Variants in NLRP1 observed in about 807,000 individuals in gnomAD.
NLRP1 encodes NACHT, LRR and PYD domains-containing protein 1.
Under a neutral mutation model 136.7 loss-of-function variants are expected in NLRP1, and 94 were observed. That is an observed-to-expected ratio of 0.69 (90% CI 0.58 to 0.82). The LOEUF (loss-of-function observed/expected upper bound fraction) is 0.82. Among genes scored for constraint, NLRP1 ranks in the 40% least tolerant of loss-of-function variants. The probability of loss-of-function intolerance (pLI) is 0.00; values close to 1 mark genes in which losing one functional copy is unlikely to be tolerated. For missense variants in NLRP1, 1,575 were observed against 1,802.7 expected, an observed-to-expected ratio of 0.87 and a Z score of 2.29; for synonymous variants, 690 against 725.1, an observed-to-expected ratio of 0.95 and a Z score of 0.78.
chr17:5,540,228 GAA>G (rs1911698040), intron 6 of NLRP1, among the ~76,000 whole-genome samples: 1 of 152,202 alleles, frequency 6.6e-6, no homozygotes, highest in African/African-American at 2.4e-5. Context: ...TGATTAAAAA[GAA>G]TGATGTGACT....
chr17:5,533,800 C>T, intron 9 of NLRP1, 97 bp downstream of exon 9: 1 of 823,710 alleles, frequency 1.2e-6, no homozygotes, highest in Non-Finnish European at 2.0e-6. Flanking sequence ...CCTGCCCCGT[C>T]CCACATCAGG....
In NLRP1 at chr17:5,583,449, G is replaced by A. The variant is rs184444873; in HGVS notation, c.271+238C>T. On this transcript the variant is annotated intron_variant, in intron 1 of 16. Coordinates refer to ENST00000572272, the MANE Select transcript of NLRP1 (RefSeq NM_033004.4). The surrounding 1 kb of genome is among the most constrained non-coding windows in gnomAD (Gnocchi z 4.5). ...ATAACTACAATGCCAGGCGAGTACCGGGAATGCACTTGAATAGAAGAGGGT... is the reference window on the plus strand; with the variant it reads ...ATAACTACAATGCCAGGCGAGTACCAGGAATGCACTTGAATAGAAGAGGGT... Among the ~76,000 whole-genome samples, 6 of 152,274 alleles carry A rather than the reference G, an allele frequency of 3.9e-5. No individual in the cohort carries two copies. Among genetic ancestry groups the A allele is most frequent in the Admixed American group, 2.0e-4 (3 of 15,300 alleles).
chr17:5,506,080 T>G (rs966065665), intron 15 of NLRP1: 3 of 151,024 alleles, frequency 2.0e-5, no homozygotes, highest in Non-Finnish European at 4.4e-5. Flanking sequence ...AGGTCAGGAG[T>G]TCGAGACCAG....
At position 5,559,427 on chromosome 17, in the gene NLRP1, A is replaced by C; in HGVS notation, c.1269T>G (p.Ser423Arg). The change falls in exon 4 of 17, where the codon AGT becomes AGG. Residue 423 changes from serine (S) to arginine (R), a missense_variant. Physicochemically the swap from Ser to Arg is moderately radical, Grantham distance 110. Transcript: ENST00000572272. ...DEPGWVLQEP[S>R]SELCLHWSQP... ...GGCTCCAGTGCAGACAGAGCTCAGA[A>C]CTCGGCTCCTGCAAGACCCATCCTG... 6.2e-7 allele frequency: 1 copy of C among 1,614,032 alleles called. No individual in the cohort carries two copies. Among genetic ancestry groups the C allele is most frequent in the Non-Finnish European group, 8.5e-7 (1 of 1,179,980 alleles).
At position 5,521,772 on chromosome 17, in the gene NLRP1, T is replaced by C; in HGVS notation, c.3535A>G (p.Thr1179Ala). Reference protein sequence around the residue: ...FVALQGGHVDTSLFQMAHFKE... With the variant: ...FVALQGGHVDASLFQMAHFKE... ...AAGTGGGCCATTTGGAACAGGGATG[T>C]GTCCACATGGCCCCCTGTAAAAGAA... is the stretch of plus-strand genomic sequence containing the variant. Residue 1179 changes from threonine (T) to alanine (A), a missense_variant, in exon 13 of 17, where the codon ACA becomes GCA. Thr to Ala is a moderately conservative substitution (Grantham distance 58). Coordinates refer to ENST00000572272, the MANE Select transcript of NLRP1 (RefSeq NM_033004.4). 1 of 1,605,202 alleles carries C rather than the reference T, an allele frequency of 6.2e-7. No individual in the cohort carries two copies. The highest frequency in any genetic ancestry group is 1.1e-5 in the South Asian group (1 of 90,704).
At chr17:5,539,206 A>G (rs1470089833) in intron 7 of NLRP1, among the ~76,000 whole-genome samples, 2 of 152,170 alleles carry the variant, frequency 1.3e-5, no homozygotes. Flanking sequence ...TTTCATTACA[A>G]TCCATGAAGT....
At chr17:5,546,610 A>G (rs571181385) in intron 5 of NLRP1, among the ~76,000 whole-genome samples, 3 of 152,346 alleles carry the variant, frequency 2.0e-5, no homozygotes, top group Admixed American at 6.5e-5. Context: ...AGCTTATTCA[A>G]TGCATTTCAA....
At position 5,533,949 on chromosome 17, in the gene NLRP1, C is replaced by T. The variant is rs201197830; in HGVS notation, c.3000G>A (p.Thr1000=). 132 of 1,613,440 alleles carry T rather than the reference C, an allele frequency of 8.2e-5. No individual in the cohort carries two copies. The highest frequency in any genetic ancestry group is 3.3e-4 in the Middle Eastern group (2 of 6,084). ...AGGATGTGCTATTACTCATCTCTCCCGTATCCAGGCCCTCAGTAGGGGTCA... is the reference window on the plus strand; with the variant it reads ...AGGATGTGCTATTACTCATCTCTCCTGTATCCAGGCCCTCAGTAGGGGTCA... ...SVMTPTEGLD[T]GEMSNSTSSL... Residue 1000 remains threonine (T), a synonymous_variant, in exon 9 of 17, where the codon ACG becomes ACA. Coordinates refer to ENST00000572272, the MANE Select transcript of NLRP1 (RefSeq NM_033004.4).
intron 3 of NLRP1, among the ~76,000 whole-genome samples, chr17:5,569,494 C>T (rs1015996183): frequency 1.3e-5 from 2 of 152,090 alleles, no homozygotes; most frequent in African/African-American, 2.4e-5. Flanking sequence ...ACAAAACAGA[C>T]TTCAAATCAA....
chr17:5,510,672 A>T (rs1907580043), downstream of NLRP1, among the ~76,000 whole-genome samples: 1 of 151,744 alleles, frequency 6.6e-6, no homozygotes, highest in African/African-American at 2.4e-5. Context: ...TGGCCAAAAA[A>T]ATGAAAAAAA....
chr17:5,536,727 C>T, intron 8 of NLRP1, 124 bp downstream of exon 8: 1 of 649,880 alleles, frequency 1.5e-6, no homozygotes, highest in Non-Finnish European at 2.8e-6. Context: ...GCACCTCACT[C>T]TGGCTGCTGT....
rs1466225305 is a variant in NLRP1, at chr17:5,584,170, C to G, written c.-213G>C. 4 of 586,508 alleles carry G rather than the reference C, an allele frequency of 6.8e-6. No individual in the cohort carries two copies. The highest frequency in any genetic ancestry group is 1.2e-5 in the Non-Finnish European group (4 of 331,446). The allele number at this position is 586,508 out of a possible 1,614,324, so 36.3% of individuals were successfully genotyped here. A position where few individuals can be genotyped will look rare whatever the true frequency, so the allele number is the denominator to read the frequency against. On this transcript the variant is annotated 5_prime_UTR_variant, in exon 1 of 17. Transcript: ENST00000572272. ...CAGGGGAGGGAGGAGCCCAGAGGGG[C>G]CTGCAAGACACTGGAAGAAGTCAGC...
At chr17:5,515,202 A>G in intron 16 of NLRP1, 129 bp from the exon 17 acceptor site, 1 of 920,254 alleles carries the variant, frequency 1.1e-6, no homozygotes, top group Non-Finnish European at 1.7e-6. Flanking sequence ...GTCCTCCCTC[A>G]TGGCAGCATC....
chr17:5,532,749 T>A, intron 11 of NLRP1, 73 bp downstream of exon 11: 1 of 1,388,748 alleles, frequency 7.2e-7, no homozygotes. Context: ...TGGCGCTGAC[T>A]GTCTGTGGGG....
intron 5 of NLRP1, among the ~76,000 whole-genome samples, chr17:5,545,605 T>C (rs1286311302): frequency 6.6e-6 from 1 of 152,174 alleles, no homozygotes; most frequent in East Asian, 1.9e-4. Context: ...ACTTGGATTT[T>C]AGAGTGCACC....
intron 3 of NLRP1, among the ~76,000 whole-genome samples, chr17:5,566,235 T>C (rs1915318869): frequency 6.6e-6 from 1 of 152,108 alleles, no homozygotes. Flanking sequence ...GTTCCTGCTT[T>C]TCTCTCTTTA....
intron 12 of NLRP1, among the ~76,000 whole-genome samples, chr17:5,522,200 T>G (rs1489207061): frequency 6.6e-6 from 1 of 152,248 alleles, no homozygotes; most frequent in East Asian, 1.9e-4. Flanking sequence ...TAGGCTCAGG[T>G]ACCCTCTTGG....
chr17:5,569,806 C>G (rs569344188), intron 3 of NLRP1, among the ~76,000 whole-genome samples: 5 of 152,274 alleles, frequency 3.3e-5, no homozygotes, highest in Admixed American at 2.0e-4. Context: ...CCCCAAACAA[C>G]AGAATATATA....
At chr17:5,519,027 G>C (rs1908521614) in intron 14 of NLRP1, among the ~76,000 whole-genome samples, 1 of 150,320 alleles carries the variant, frequency 6.7e-6, no homozygotes, top group Admixed American at 6.6e-5. Flanking sequence ...TTTTGAGACG[G>C]AGTCTCGCTC....
Sources: gnomAD v4.1 joint callset for allele counts (sites outside exome capture counted in the v4.1 genomes callset) on GRCh38, gnomAD v4.1.1 for gene constraint, Gnocchi (gnomAD v3.1) non-coding constraint, MANE v1.5 for transcripts, NCBI Gene and HGNC (gene_info 2026-07-23, HGNC 2026-07-21) for gene names.